Variants in PARD3B observed in about 807,000 individuals in gnomAD.
PARD3B encodes par-3 family cell polarity regulator beta.
PARD3B carries 103 observed loss-of-function variants against 130.2 expected under a neutral mutation model. The ratio of observed to expected loss-of-function variants is 0.79; its 90% CI spans 0.67 to 0.93. PARD3B has a LOEUF of 0.93. Ranked by LOEUF, PARD3B falls within the 40% of genes least tolerant of loss-of-function variation. PARD3B has a pLI of 0.00. For missense variants in PARD3B, 1,609 were observed against 1,499.2 expected, an observed-to-expected ratio of 1.07 and a Z score of -1.21; for synonymous variants, 583 against 553.2, an observed-to-expected ratio of 1.05 and a Z score of -0.76.
chr2:205,259,019 C>T (rs1174027203), intron 16 of PARD3B, among the ~76,000 whole-genome samples: 1 of 152,070 alleles, frequency 6.6e-6, no homozygotes, highest in African/African-American at 2.4e-5. Context: ...TGTATCTAAT[C>T]CTTCTCCCAA....
At chr2:205,313,905 T>C (rs1179090124) in intron 18 of PARD3B, among the ~76,000 whole-genome samples, 1 of 152,234 alleles carries the variant, frequency 6.6e-6, no homozygotes, top group Non-Finnish European at 1.5e-5. Context: ...AATATGCTTA[T>C]TTAAGATGCT....
At chr2:205,302,036 G>T in intron 18 of PARD3B, 1 of 438,158 alleles carries the variant, frequency 2.3e-6, no homozygotes, top group Non-Finnish European at 4.1e-6. Flanking sequence ...AAGGTAGGGA[G>T]ACCCTATTCT....
chr2:205,039,350 A>G (rs1405112597), intron 3 of PARD3B, among the ~76,000 whole-genome samples: 1 of 152,188 alleles, frequency 6.6e-6, no homozygotes, highest in Admixed American at 6.5e-5. Flanking sequence ...CTTACCAGAT[A>G]TGTCCTTGTG....
chr2:205,188,554 C>T (rs538072191), intron 14 of PARD3B, among the ~76,000 whole-genome samples: 32 of 152,194 alleles, frequency 2.1e-4, no homozygotes, highest in African/African-American at 7.5e-4. Flanking sequence ...GGATCAGAAG[C>T]ATGGGTGGAG....
At chr2:205,016,616 A>G (rs1696170490) in intron 3 of PARD3B, among the ~76,000 whole-genome samples, 1 of 152,220 alleles carries the variant, frequency 6.6e-6, no homozygotes, top group South Asian at 2.1e-4. Context: ...GGAAACGAGG[A>G]TCCCAGGAAC....
At chr2:205,095,560 G>A (rs1172862790) in intron 4 of PARD3B, among the ~76,000 whole-genome samples, 1 of 152,088 alleles carries the variant, frequency 6.6e-6, no homozygotes, top group African/African-American at 2.4e-5. Context: ...TGTTGATCTT[G>A]CCATCAGTAG....
intron 3 of PARD3B, among the ~76,000 whole-genome samples, chr2:204,979,761 T>A (rs886748638): frequency 6.6e-6 from 1 of 152,216 alleles, no homozygotes; most frequent in Non-Finnish European, 1.5e-5. Flanking sequence ...TCATATTTGG[T>A]ATTGCTGGTC....
intron 1 of PARD3B, among the ~76,000 whole-genome samples, chr2:204,659,663 G>A (rs890159736): frequency 6.6e-6 from 1 of 152,084 alleles, no homozygotes; most frequent in Non-Finnish European, 1.5e-5. Context: ...TTAACATACT[G>A]TGCAACTAAA....
In PARD3B at chr2:204,904,913, G is replaced by C. The variant is rs372401940; in HGVS notation, c.223-60239G>C. 4.5e-4 allele frequency among the ~76,000 whole-genome samples: 69 copies of C among 152,286 alleles called. 1 individual carries two copies. The South Asian group carries it at 0.014, about 31-fold the overall frequency. On this transcript the variant is annotated intron_variant, in intron 2 of 22. Transcript: ENST00000406610. The stretch of plus-strand genomic sequence containing the variant: ...AGATTTTTAAAGTTTACAATATGTA[G>C]AATGTAGGTGTGTTACTGAATCACT...
At chr2:205,313,764 TCAGAA>T (rs2042470187) in intron 18 of PARD3B, among the ~76,000 whole-genome samples, 1 of 152,164 alleles carries the variant, frequency 6.6e-6, no homozygotes, top group South Asian at 2.1e-4. Flanking sequence ...TGTTAACAGA[TCAGAA>T]CAGAAGTCCA....
At chr2:205,451,067 G>A (rs1193076233) in intron 20 of PARD3B, among the ~76,000 whole-genome samples, 1 of 152,148 alleles carries the variant, frequency 6.6e-6, no homozygotes, top group African/African-American at 2.4e-5. Flanking sequence ...GTAAACAACA[G>A]AAAACTCAGC....
chr2:205,313,782 G>T (rs2042470500), intron 18 of PARD3B, among the ~76,000 whole-genome samples: 1 of 152,074 alleles, frequency 6.6e-6, no homozygotes, highest in Admixed American at 6.5e-5. Flanking sequence ...GAAGTCCAGT[G>T]GATAAAATAT....
At chr2:205,311,624 T>A (rs2042389387) in intron 18 of PARD3B, among the ~76,000 whole-genome samples, 1 of 152,208 alleles carries the variant, frequency 6.6e-6, no homozygotes, top group East Asian at 1.9e-4. Flanking sequence ...TGCTGTTTTG[T>A]AATGTAGTTG....
rs76670487 is a variant in PARD3B at position 204,677,277 on chromosome 2, T to A, written c.121-8904T>A. 0.012 allele frequency among the ~76,000 whole-genome samples: 1,783 copies of A among 152,294 alleles called. 33 individuals are homozygous for A. Among genetic ancestry groups the A allele is most frequent in the African/African-American group, 0.041 (1,702 of 41,568 alleles). On this transcript the variant is annotated intron_variant, in intron 1 of 22. Transcript: ENST00000406610. The surrounding 1 kb of genome is among the most constrained non-coding windows in gnomAD (Gnocchi z 4.1). ...GACAATGAATACTCCAAGTCTAGAT[T>A]AAAAACAGGTAGCATTGGCCTTATT...
chr2:204,846,701 T>TC (rs2044475066), intron 2 of PARD3B, among the ~76,000 whole-genome samples: 1 of 150,550 alleles, frequency 6.6e-6, no homozygotes, highest in South Asian at 2.1e-4. Context: ...CCAGGAGGCT[T>TC]CCTATACCTG....
chr2:204,879,734 T>C (rs552880233), intron 2 of PARD3B, among the ~76,000 whole-genome samples: 148 of 152,308 alleles, frequency 9.7e-4, no homozygotes, highest in African/African-American at 3.4e-3. Flanking sequence ...CCTTAAAAGA[T>C]TGGGGAATTG....
At chr2:205,312,592 C>T (rs915438668) in intron 18 of PARD3B, among the ~76,000 whole-genome samples, 4 of 152,176 alleles carry the variant, frequency 2.6e-5, no homozygotes, top group Admixed American at 2.0e-4. Context: ...GAAAAGAAAT[C>T]GATGCTAAAC....
intron 21 of PARD3B, among the ~76,000 whole-genome samples, chr2:205,517,825 T>G (rs962745666): frequency 6.6e-6 from 1 of 152,230 alleles, no homozygotes; most frequent in Admixed American, 6.5e-5. Context: ...GATTTCTGCC[T>G]TAACTTCATT....
intron 10 of PARD3B, among the ~76,000 whole-genome samples, chr2:205,126,586 A>G (rs1407981770): frequency 3.8e-5 from 3 of 79,956 alleles, no homozygotes; most frequent in Admixed American, 1.2e-4. Context: ...CTAAAAATAC[A>G]AAAAAAAAAA....
Sources: gnomAD v4.1 joint callset for allele counts (sites outside exome capture counted in the v4.1 genomes callset) on GRCh38, gnomAD v4.1.1 for gene constraint, Gnocchi (gnomAD v3.1) non-coding constraint, MANE v1.5 for transcripts, NCBI Gene and HGNC (gene_info 2026-07-23, HGNC 2026-07-21) for gene names.